The following HOXB6 variants were observed in gnomAD, a reference collection of about 807,000 sequenced individuals.
HOXB6 encodes the protein homeobox protein Hox-B6.
HOXB6 carries 18 observed loss-of-function variants against 24.2 expected under a neutral mutation model. That is an observed-to-expected ratio of 0.74 (90% CI 0.51 to 1.10). HOXB6 has a LOEUF of 1.10. Among genes scored for constraint, HOXB6 ranks in the 50% least tolerant of loss-of-function variants. The pLI is 0.00. For synonymous variants in HOXB6, 159 were observed against 139.1 expected, an observed-to-expected ratio of 1.14 and a Z score of -1.01; for missense variants, 332 against 308.3, an observed-to-expected ratio of 1.08 and a Z score of -0.58.
chr17:48,598,281 G>A lies in HOXB6; in HGVS notation c.-78-53C>T, dbSNP rs1281484152. 4.6e-6 allele frequency: 4 copies of A among 860,696 alleles called. No homozygotes were observed. The African/African-American group carries it at 6.8e-5, about 15-fold the overall frequency. The allele number at this position is 860,696 out of a possible 1,614,324, so 53.3% of individuals were successfully genotyped here. A position where few individuals can be genotyped will look rare whatever the true frequency, so the allele number is the denominator to read the frequency against. ...TTTAGCTGAGGGGGGATGGCGAGGT[G>A]CCAGTGAGGGCCAGAAGGAAATACA... is the stretch of plus-strand genomic sequence containing the variant. On this transcript the variant is annotated intron_variant, in intron 2 of 3. Coordinates refer to ENST00000225648, the MANE Select transcript of HOXB6 (RefSeq NM_018952.5).
intron 2 of HOXB6, chr17:48,603,826 C>A (rs933611748): frequency 5.2e-5 from 8 of 152,398 alleles, no homozygotes; most frequent in African/African-American, 1.7e-4. Context: ...GAGTCTCCCT[C>A]ATTTTTGGTG....
chr17:48,601,942 G>A, intron 2 of HOXB6: 1 of 380,584 alleles, frequency 2.6e-6, no homozygotes, highest in South Asian at 2.0e-5. Context: ...CCTAGCCCTG[G>A]CCACCCCCTC....
chr17:48,596,685 G>A lies in HOXB6; in HGVS notation c.416-13C>T. 6.2e-7 allele frequency: 1 copy of A among 1,610,948 alleles called. No homozygotes were observed. The highest frequency in any genetic ancestry group is 8.5e-7 in the Non-Finnish European group (1 of 1,180,006). ...CCAAAGGAGGAACCTGTTACGCAGA[G>A]TGGAGATGCTGAGGCCTGCGGTCAC... On this transcript the variant is annotated splice_polypyrimidine_tract_variant and intron_variant, in intron 3 of 3. Transcript: ENST00000225648. The surrounding 1 kb of genome is among the most constrained non-coding windows in gnomAD (Gnocchi z 4.8).
chr17:48,604,532 G>C lies in HOXB6; in HGVS notation c.-131C>G, dbSNP rs2070539986. 6.6e-6 allele frequency: 1 copy of C among 152,634 alleles called. No homozygotes were observed. The highest frequency in any genetic ancestry group is 2.4e-5 in the African/African-American group (1 of 41,444). 9.5% of individuals were successfully genotyped at this position (152,634 alleles called of 1,614,324 possible). ...CTCCGGATTTAAAGGAATGGGTGGG[G>C]AGGAAGGAAGGAGTATTCAGTTTCT... On this transcript the variant is annotated 5_prime_UTR_variant, in exon 2 of 4. Coordinates refer to ENST00000225648, the MANE Select transcript of HOXB6 (RefSeq NM_018952.5).
chr17:48,603,776 G>C (rs544824528), intron 2 of HOXB6: 1 of 152,400 alleles, frequency 6.6e-6, no homozygotes, highest in East Asian at 1.9e-4. Context: ...GGAGTGGCGA[G>C]ATACTTGGGC....
chr17:48,596,918 G>T lies in HOXB6; in HGVS notation c.416-246C>A. ...CAGTTTGAACTCCCACCTGAGCCTG[G>T]GGGGAGGGGCTGGTCAGGTGTGTCT... is the stretch of plus-strand genomic sequence containing the variant. On this transcript the variant is annotated intron_variant, in intron 3 of 3. Transcript: ENST00000225648. This position sits in a 1 kb window ranked among gnomAD's most constrained non-coding sequence, Gnocchi z 4.8. 1 of 1,382,796 alleles carries T rather than the reference G, an allele frequency of 7.2e-7. No individual in the cohort carries two copies. 85.7% of individuals were successfully genotyped at this position (1,382,796 alleles called of 1,614,324 possible).
chr17:48,597,178 C>A, intron 3 of HOXB6: 1 of 659,532 alleles, frequency 1.5e-6, no homozygotes, highest in Non-Finnish European at 2.0e-6. Context: ...TCTCTCGCTC[C>A]GCCTGCTCCC....
chr17:48,602,730 C>G (rs1443995874), intron 2 of HOXB6, among the ~76,000 whole-genome samples: 2 of 152,224 alleles, frequency 1.3e-5, no homozygotes, highest in South Asian at 2.1e-4. Flanking sequence ...CTTGCGGCGC[C>G]GAAGCCGCGT....
chr17:48,596,828 A>T lies in HOXB6; in HGVS notation c.416-156T>A. On this transcript the variant is annotated intron_variant, in intron 3 of 3. Transcript: ENST00000225648. The surrounding 1 kb of genome is among the most constrained non-coding windows in gnomAD (Gnocchi z 4.8). ...TTCGCACTCCTCCAGCGCCCCCTCC[A>T]GATTCCCTCCTAGTCTCCTAGGCCT... 1 of 1,331,268 alleles carries T rather than the reference A, an allele frequency of 7.5e-7. No individual in the cohort carries two copies. Among genetic ancestry groups the T allele is most frequent in the Non-Finnish European group, 1.0e-6 (1 of 968,978 alleles). The allele number at this position is 1,331,268 out of a possible 1,614,324, so 82.5% of individuals were successfully genotyped here.
At chr17:48,602,321 C>A in intron 2 of HOXB6, 2 of 431,554 alleles carry the variant, frequency 4.6e-6, no homozygotes, top group South Asian at 1.7e-5. Context: ...ACCAAATAAA[C>A]CTTGAACAGC....
intron 2 of HOXB6, chr17:48,601,430 C>G (rs936600401): frequency 6.6e-6 from 1 of 152,250 alleles, no homozygotes; most frequent in Non-Finnish European, 1.5e-5. Flanking sequence ...ACCCGCAGGT[C>G]CAGGGGACAA....
At position 48,597,840 on chromosome 17, in the gene HOXB6, CGCG is replaced by C. The variant is rs765144613; in HGVS notation, c.308_310del (p.Pro103del). 1.4e-5 allele frequency: 22 copies of C among 1,601,288 alleles called. No homozygotes were observed. Among genetic ancestry groups the C allele is most frequent in the Non-Finnish European group, 1.9e-5 (22 of 1,173,064 alleles). The stretch of plus-strand genomic sequence containing the variant: ...CTTGTCCTGCGCGCAGTCCGACTTC[CGCG>C]GCTCGGGGTGGAACGGGGGCTGCTC... On this transcript the variant is annotated inframe_deletion, in exon 3 of 4. Transcript: ENST00000225648.
Position 48,598,225 on chromosome 17 carries a change from G to A in HOXB6, c.-75C>T, listed in dbSNP as rs2070370557. ...TGTTGTGTTTTATAGTCCGAGCGCC[G>A]CGCCTATTAGTAGTATATCCGAGAT... On this transcript the variant is annotated 5_prime_UTR_variant, in exon 3 of 4. Transcript: ENST00000225648. 2 of 1,418,986 alleles carry A rather than the reference G, an allele frequency of 1.4e-6. No homozygotes were observed. The highest frequency in any genetic ancestry group is 1.9e-6 in the Non-Finnish European group (2 of 1,068,494). 87.9% of individuals were successfully genotyped at this position (1,418,986 alleles called of 1,614,324 possible). A position where few individuals can be genotyped will look rare whatever the true frequency, so the allele number is the denominator to read the frequency against.
At position 48,597,836 on chromosome 17, in the gene HOXB6, C is replaced by G. The variant is rs143197683; in HGVS notation, c.315G>C (p.Lys105Asn). The change falls in exon 3 of 4, where the codon AAG becomes AAC. Residue 105 changes from lysine (K) to asparagine (N), a missense_variant. Lys to Asn is a moderately conservative substitution (Grantham distance 94, BLOSUM62 0). Coordinates refer to ENST00000225648, the MANE Select transcript of HOXB6 (RefSeq NM_018952.5). ...CGCTCTTGTCCTGCGCGCAGTCCGA[C>G]TTCCGCGGCTCGGGGTGGAACGGGG... is the stretch of plus-strand genomic sequence containing the variant. ...EQPPFHPEPR[K>N]SDCAQDKSVF... 1.3e-4 allele frequency: 216 copies of G among 1,602,318 alleles called. No homozygotes were observed. In the Middle Eastern group the frequency reaches 1.5e-3, roughly 11 times the overall value.
Position 48,596,932 on chromosome 17 carries a change from T to G in HOXB6, c.416-260A>C, listed in dbSNP as rs1597872349. 7.3e-7 allele frequency: 1 copy of G among 1,375,138 alleles called. No homozygotes were observed. Among genetic ancestry groups the G allele is most frequent in the Non-Finnish European group, 9.4e-7 (1 of 1,058,782 alleles). The allele number at this position is 1,375,138 out of a possible 1,614,324, so 85.2% of individuals were successfully genotyped here. On this transcript the variant is annotated intron_variant, in intron 3 of 3. Coordinates refer to ENST00000225648, the MANE Select transcript of HOXB6 (RefSeq NM_018952.5). The surrounding 1 kb of genome is among the most constrained non-coding windows in gnomAD (Gnocchi z 4.8). ...ACCTGAGCCTGGGGGGAGGGGCTGGTCAGGTGTGTCTCTTCCTAGTTGCAT... is the reference window on the plus strand; with the variant it reads ...ACCTGAGCCTGGGGGGAGGGGCTGGGCAGGTGTGTCTCTTCCTAGTTGCAT...
chr17:48,602,047 T>C, intron 2 of HOXB6: 1 of 453,860 alleles, frequency 2.2e-6, no homozygotes, highest in South Asian at 1.6e-5. Context: ...CCAGTCCCAC[T>C]ACCAAATTTT....
chr17:48,604,293 C>T (rs776573279), intron 2 of HOXB6, among the ~76,000 whole-genome samples, 187 bp downstream of exon 2: 2 of 151,942 alleles, frequency 1.3e-5, no homozygotes, highest in Non-Finnish European at 2.9e-5. Context: ...GCCTTGGCTC[C>T]CCCTCCAGGA....
intron 2 of HOXB6, among the ~76,000 whole-genome samples, chr17:48,599,788 C>T (rs909815467): frequency 6.6e-6 from 1 of 152,202 alleles, no homozygotes; most frequent in African/African-American, 2.4e-5. Context: ...CAAGAAGGGG[C>T]CAGGGCATGG....
chr17:48,602,106 G>A (rs1023106085), intron 2 of HOXB6: 5 of 455,966 alleles, frequency 1.1e-5, no homozygotes, highest in African/African-American at 1.0e-4. Flanking sequence ...CGAGAATGGA[G>A]GAGGGGATCG....
Sources: allele counts gnomAD v4.1 joint callset (sites outside exome capture counted in the v4.1 genomes callset), GRCh38; gene constraint gnomAD v4.1.1; non-coding constraint Gnocchi (gnomAD v3.1); transcripts MANE v1.5; gene names NCBI Gene and HGNC (gene_info 2026-07-23, HGNC 2026-07-21).